The following NCKAP5 variants were observed in gnomAD, a reference collection of about 807,000 sequenced individuals.
The protein encoded by NCKAP5 is NCK associated protein 5, also known as nck-associated protein 5.
In NCKAP5, 92 loss-of-function variants were observed where a neutral mutation model predicts 167.0. That is an observed-to-expected ratio of 0.55 (90% CI 0.47 to 0.66). The LOEUF is 0.66. Among genes scored for constraint, NCKAP5 ranks in the 30% least tolerant of loss-of-function variants. NCKAP5 has a pLI of 0.00. For synonymous variants in NCKAP5, 891 were observed against 877.4 expected (o/e 1.02, Z -0.27); for missense variants, 2,378 against 2,315.0 (o/e 1.03, Z -0.56).
rs1161974703 is a variant in NCKAP5 at position 132,967,186 on chromosome 2, CACACACACACACACAT to C, written c.430-3333_430-3318del. 5.9e-4 allele frequency among the ~76,000 whole-genome samples: 88 copies of C among 150,334 alleles called. 1 individual carries two copies. Among genetic ancestry groups the C allele is most frequent in the Non-Finnish European group, 1.0e-3 (68 of 67,944 alleles). On this transcript the variant is annotated intron_variant, in intron 7 of 19. Transcript: ENST00000409261. ...GTACACACACACACACACACACACACACACACACACACACATACACACACACATACACACACTCTTA... is the reference window on the plus strand; with the variant it reads ...GTACACACACACACACACACACACACACACACACACATACACACACTCTTA...
chr2:132,785,792 A>G, intron 13 of NCKAP5, 74 bp from the exon 14 acceptor site: 1 of 1,224,132 alleles, frequency 8.2e-7, no homozygotes, highest in Non-Finnish European at 1.1e-6. Flanking sequence ...AAAGTACATC[A>G]TGGGACTTAA....
At chr2:133,366,560 C>A (rs948008952) in intron 3 of NCKAP5, among the ~76,000 whole-genome samples, 1 of 152,076 alleles carries the variant, frequency 6.6e-6, no homozygotes, top group Non-Finnish European at 1.5e-5. Flanking sequence ...CCTCAGCCCC[C>A]CAAAGTGCTG....
chr2:133,380,326 T>G (rs933609323), intron 3 of NCKAP5, among the ~76,000 whole-genome samples: 10 of 151,930 alleles, frequency 6.6e-5, no homozygotes, highest in Non-Finnish European at 1.3e-4. Context: ...CAGTGAGCAA[T>G]TTTTTTTAGT....
chr2:133,518,201 C>T (rs1684172699), intron 2 of NCKAP5, among the ~76,000 whole-genome samples: 1 of 151,974 alleles, frequency 6.6e-6, no homozygotes, highest in Non-Finnish European at 1.5e-5. Flanking sequence ...TATAGTTCAT[C>T]CCTGAACTCC....
intron 15 of NCKAP5, among the ~76,000 whole-genome samples, chr2:132,779,201 G>A (rs1212899875): frequency 6.6e-6 from 1 of 152,230 alleles, no homozygotes; most frequent in Non-Finnish European, 1.5e-5. Context: ...CTGCAGATGA[G>A]AGAGGAAAAG....
the NCKAP5 span, among the ~76,000 whole-genome samples, chr2:133,663,652 C>T: frequency 3.3e-5 from 5 of 152,182 alleles, no homozygotes; most frequent in Non-Finnish European, 7.3e-5. Flanking sequence ...CTGTAAGAAG[C>T]AACTCCTCAC....
At chr2:133,460,322 G>A (rs571209274) in intron 3 of NCKAP5, among the ~76,000 whole-genome samples, 3 of 152,142 alleles carry the variant, frequency 2.0e-5, no homozygotes, top group Non-Finnish European at 4.4e-5. Flanking sequence ...GGTCTGCTTA[G>A]AGCTACCTGA....
At chr2:133,525,347 T>A (rs893068544) in intron 2 of NCKAP5, among the ~76,000 whole-genome samples, 11 of 152,210 alleles carry the variant, frequency 7.2e-5, no homozygotes, top group Non-Finnish European at 1.5e-4. Flanking sequence ...ATTCAGTAGC[T>A]TCCGGTTGAT....
chr2:133,400,372 T>C (rs1469882978), intron 3 of NCKAP5, among the ~76,000 whole-genome samples: 1 of 152,076 alleles, frequency 6.6e-6, no homozygotes, highest in Non-Finnish European at 1.5e-5. Context: ...TCATTGAGGA[T>C]GTAATTGTGT....
intron 19 of NCKAP5, among the ~76,000 whole-genome samples, chr2:132,719,926 G>A (rs868222082): frequency 6.6e-6 from 1 of 152,218 alleles, no homozygotes; most frequent in South Asian, 2.1e-4. Context: ...TTCCTCTTGG[G>A]GTGTCTGGCA....
the NCKAP5 span, among the ~76,000 whole-genome samples, chr2:133,594,475 T>G: frequency 1.6e-4 from 25 of 152,294 alleles, no homozygotes; most frequent in African/African-American, 6.0e-4. Context: ...GATTTGTTCA[T>G]TTTGGGATCT....
chr2:132,973,011 C>T lies in NCKAP5; in HGVS notation c.430-9142G>A, dbSNP rs1258354354. Among the ~76,000 whole-genome samples the T allele has an allele frequency of 3.3e-5, 5 of 152,196 alleles. No homozygotes were observed. In the East Asian group the frequency reaches 9.7e-4, roughly 29 times the overall value. ...TCACAATAGGCTCACAATTTCTCTC[C>T]TAAGAAAAATAAGAAGAAAAGTTGG... On this transcript the variant is annotated intron_variant, in intron 7 of 19. Transcript: ENST00000409261.
At chr2:133,080,634 A>G (rs1267474059) in intron 6 of NCKAP5, among the ~76,000 whole-genome samples, 1 of 152,158 alleles carries the variant, frequency 6.6e-6, no homozygotes, top group Non-Finnish European at 1.5e-5. Flanking sequence ...ACTTCTTTAA[A>G]AGAGCACTTC....
At chr2:133,110,532 C>T (rs1240065258) in intron 6 of NCKAP5, among the ~76,000 whole-genome samples, 1 of 152,146 alleles carries the variant, frequency 6.6e-6, no homozygotes, top group Admixed American at 6.5e-5. Flanking sequence ...TTTTAAAAAC[C>T]TAGTGCATCT....
chr2:132,690,975 T>C (rs1258603592), intron 19 of NCKAP5, among the ~76,000 whole-genome samples: 1 of 152,220 alleles, frequency 6.6e-6, no homozygotes, highest in Admixed American at 6.5e-5. Context: ...GGTGACTTCC[T>C]GCTCTGCTAA....
At chr2:132,888,319 C>A (rs921564234) in intron 8 of NCKAP5, among the ~76,000 whole-genome samples, 2 of 152,104 alleles carry the variant, frequency 1.3e-5, no homozygotes, top group African/African-American at 4.8e-5. Context: ...AGAAATTAAA[C>A]CAGTGATAAC....
chr2:133,538,898 T>G (rs1379322199), intron 2 of NCKAP5, among the ~76,000 whole-genome samples: 2 of 128,430 alleles, frequency 1.6e-5, no homozygotes. Flanking sequence ...ATGTACCTAG[T>G]TTTTTTTTGG....
chr2:133,463,958 A>G lies in NCKAP5; in HGVS notation c.69+53500T>C, dbSNP rs572860803. ...AGATTTATAATCCAATCTCTTCCTC[A>G]TGTTAACCATACATTTTGGTGAGCA... On this transcript the variant is annotated intron_variant, in intron 3 of 19. Coordinates refer to ENST00000409261, the MANE Select transcript of NCKAP5 (RefSeq NM_207363.3). Among the ~76,000 whole-genome samples, 138 of 152,286 alleles carry G rather than the reference A, an allele frequency of 9.1e-4. 1 individual carries two copies. Among genetic ancestry groups the G allele is most frequent in the African/African-American group, 3.0e-3 (125 of 41,556 alleles).
At chr2:133,403,887 ATGTGTGTGTGTGTG>A (rs138024785) in intron 3 of NCKAP5, among the ~76,000 whole-genome samples, 1 of 148,118 alleles carries the variant, frequency 6.8e-6, no homozygotes, top group Non-Finnish European at 1.5e-5. Context: ...AGTCAGGTGG[ATGTGTGTGTGTGTG>A]TGTGTGTGTG....
Sources: gnomAD v4.1 joint callset for allele counts (sites outside exome capture counted in the v4.1 genomes callset) on GRCh38, gnomAD v4.1.1 for gene constraint, MANE v1.5 for transcripts, NCBI Gene and HGNC (gene_info 2026-07-23, HGNC 2026-07-21) for gene names.